MICB: variants seen among roughly 807,000 people sequenced by gnomAD.
MICB encodes MHC class I antigen-related protein B.
In MICB, 27 loss-of-function variants were observed where a neutral mutation model predicts 34.3. That is an observed-to-expected ratio of 0.79 (90% CI 0.58 to 1.08). The LOEUF (loss-of-function observed/expected upper bound fraction) is 1.08. Among genes scored for constraint, MICB ranks in the 50% least tolerant of loss-of-function variants. The probability of loss-of-function intolerance (pLI) is 0.00; values close to 1 mark genes in which losing one functional copy is unlikely to be tolerated. For missense variants in MICB, 426 were observed against 483.1 expected (o/e 0.88, Z 1.11); for synonymous variants, 153 against 187.4 (o/e 0.82, Z 1.50).
intron 1 of MICB, 120 bp from the exon 2 acceptor site, chr6:31,505,497 C>T: frequency 7.1e-7 from 1 of 1,415,502 alleles, no homozygotes; most frequent in Non-Finnish European, 9.6e-7. Flanking sequence ...CGTTCTTGTC[C>T]TTTTGCCCAT....
chr6:31,503,198 T>G (rs769364451), intron 1 of MICB, among the ~76,000 whole-genome samples: 12 of 152,232 alleles, frequency 7.9e-5, no homozygotes, highest in Non-Finnish European at 1.6e-4. Context: ...CTTTTTTTGA[T>G]GTGTCTTTGC....
intron 1 of MICB, among the ~76,000 whole-genome samples, chr6:31,503,949 C>CTGTGTGTGTGTGTG (rs9279324): frequency 0.01 from 998 of 97,422 alleles, 31 homozygotes; most frequent in Non-Finnish European, 3.4e-3. Flanking sequence ...GCCAAACTTG[C>CTGTGTGTGTGTGTG]TGTGTGTGTG....
At chr6:31,495,356 G>A (rs934315089), upstream of MICB, among the ~76,000 whole-genome samples, 3 of 152,142 alleles carry the variant, frequency 2.0e-5, no homozygotes, top group Non-Finnish European at 4.4e-5. Context: ...GTGGAGGGAA[G>A]GGCTTGGGAC....
At chr6:31,498,115 A>G (rs1764768189), upstream of MICB, 1 of 1,263,402 alleles carries the variant, frequency 7.9e-7, no homozygotes. Context: ...GCAGGTGACT[A>G]AATTTCGACG....
At chr6:31,497,346 C>G (rs1362210714), upstream of MICB, among the ~76,000 whole-genome samples, 1 of 151,748 alleles carries the variant, frequency 6.6e-6, no homozygotes, top group Non-Finnish European at 1.5e-5. Context: ...GACTATGGTC[C>G]CAGAGGTACA....
At chr6:31,503,951 G>A (rs1582872568) in intron 1 of MICB, among the ~76,000 whole-genome samples, 1 of 71,422 alleles carries the variant, frequency 1.4e-5, no homozygotes, top group Non-Finnish European at 2.9e-5. Flanking sequence ...CAAACTTGCT[G>A]TGTGTGTGTG....
At position 31,506,314 on chromosome 6, in the gene MICB, C is replaced by G; in HGVS notation, c.497C>G (p.Thr166Arg). 1.2e-6 allele frequency: 2 copies of G among 1,614,208 alleles called. No homozygotes were observed. Among genetic ancestry groups the G allele is most frequent in the Admixed American group, 1.7e-5 (1 of 60,032 alleles). The part of the protein sequence containing the change: ...SRAQTLAMNV[T>R]NFWKEDAMKT... ...GCTCAGACCTTGGCTATGAACGTCA[C>G]AAATTTCTGGAAGGAAGATGCCATG... Residue 166 changes from threonine to arginine, a missense_variant, in exon 3 of 6, where the codon ACA (threonine) becomes AGA (arginine). Physicochemically the swap from Thr to Arg is moderately conservative, Grantham distance 71. Coordinates refer to ENST00000252229, the MANE Select transcript of MICB (RefSeq NM_005931.5).
rs752008165 is a variant in MICB, at chr6:31,506,209, G to A, written c.392G>A (p.Arg131Gln). 41 of 1,613,968 alleles carry A rather than the reference G, an allele frequency of 2.5e-5. No homozygotes were observed. The highest frequency in any genetic ancestry group is 8.9e-5 in the East Asian group (4 of 44,888). The change falls in exon 3 of 6, where the codon CGG (arginine) becomes CAG (glutamine). Residue 131 changes from arginine (R) to glutamine (Q), a missense_variant. By Grantham distance (43) the Arg-to-Gln change is conservative. Transcript: ENST00000252229. ...IHEDSSTRGS[R>Q]HFYYDGELFL... Reference sequence around the variant, plus strand: ...GAAGACAGCAGCACCAGGGGCTCCCGGCATTTCTACTACGATGGGGAGCTC... The same window carrying A: ...GAAGACAGCAGCACCAGGGGCTCCCAGCATTTCTACTACGATGGGGAGCTC...
At position 31,506,225 on chromosome 6, in the gene MICB, T is replaced by C; in HGVS notation, c.408T>C (p.Asp136=). 6.2e-7 allele frequency: 1 copy of C among 1,614,038 alleles called. No individual in the cohort carries two copies. Among genetic ancestry groups the C allele is most frequent in the Non-Finnish European group, 8.5e-7 (1 of 1,179,988 alleles). ...STRGSRHFYY[D]GELFLSQNLE... Reference sequence around the variant, plus strand: ...GGGGCTCCCGGCATTTCTACTACGATGGGGAGCTCTTCCTCTCCCAAAACC... The same window carrying C: ...GGGGCTCCCGGCATTTCTACTACGACGGGGAGCTCTTCCTCTCCCAAAACC... Residue 136 remains aspartate, a synonymous_variant, in exon 3 of 6, where the codon GAT becomes GAC. Coordinates refer to ENST00000252229, the MANE Select transcript of MICB (RefSeq NM_005931.5).
intron 1 of MICB, among the ~76,000 whole-genome samples, chr6:31,501,446 C>T (rs1273889284): frequency 1.3e-5 from 2 of 152,134 alleles, no homozygotes; most frequent in African/African-American, 2.4e-5. Context: ...GATATGATCC[C>T]ATTTATGCAT....
At position 31,509,980 on chromosome 6, in the gene MICB, AC is replaced by A; in HGVS notation, c.*73del. On this transcript the variant is annotated 3_prime_UTR_variant, in exon 6 of 6. Coordinates refer to ENST00000252229, the MANE Select transcript of MICB (RefSeq NM_005931.5). ...ACCAGCACTTTCCCTCTGTTTCCTG[AC>A]CTATGAAACAGAGAAAATAACATCA... The A allele has an allele frequency of 8.6e-6, 12 of 1,394,248 alleles. No homozygotes were observed. The highest frequency in any genetic ancestry group is 1.1e-5 in the Non-Finnish European group (12 of 1,068,364). The allele number at this position is 1,394,248 out of a possible 1,614,324, so 86.4% of individuals were successfully genotyped here. A position where few individuals can be genotyped will look rare whatever the true frequency, so the allele number is the denominator to read the frequency against.
At chr6:31,501,558 A>G (rs560371548) in intron 1 of MICB, among the ~76,000 whole-genome samples, 2 of 152,288 alleles carry the variant, frequency 1.3e-5, no homozygotes, top group Admixed American at 6.5e-5. Context: ...TAGTTTTCAT[A>G]GTTTGAGGTC....
At chr6:31,503,546 C>T (rs1765115298) in intron 1 of MICB, among the ~76,000 whole-genome samples, 1 of 152,082 alleles carries the variant, frequency 6.6e-6, no homozygotes, top group Admixed American at 6.6e-5. Context: ...TAAGTAGAAT[C>T]GTGTAATGTT....
At chr6:31,508,795 A>G (rs1401167890) in intron 5 of MICB, among the ~76,000 whole-genome samples, 1 of 152,218 alleles carries the variant, frequency 6.6e-6, no homozygotes, top group Non-Finnish European at 1.5e-5. Context: ...TTTCAGCTCT[A>G]TAATCTTAAT....
At position 31,507,095 on chromosome 6, in the gene MICB, C is replaced by T. The variant is rs771452508; in HGVS notation, c.687C>T (p.Ser229=). 1 of 1,614,016 alleles carries T rather than the reference C, an allele frequency of 6.2e-7. No homozygotes were observed. Among genetic ancestry groups the T allele is most frequent in the Non-Finnish European group, 8.5e-7 (1 of 1,179,906 alleles). Residue 229 remains serine (S), a synonymous_variant, in exon 4 of 6, where the codon AGC becomes AGT. Transcript: ENST00000252229. This position sits in a 1 kb window ranked among gnomAD's most constrained non-coding sequence, Gnocchi z 6.0. ...TCACCGTGACATGCAGGGCTTCCAG[C>T]TTCTATCCCCGGAATATCACACTGA... ...GNITVTCRAS[S]FYPRNITLTW...
In MICB at chr6:31,504,550, C is replaced by T. The variant is rs146133945; in HGVS notation, c.71-1067C>T. The stretch of plus-strand genomic sequence containing the variant: ...CTGGAACTACAGGCTTGAGCCACCA[C>T]GCCTGGCCTTCTGGAAACTAATCTC... On this transcript the variant is annotated intron_variant, in intron 1 of 5. Transcript: ENST00000252229. 1.7e-3 allele frequency among the ~76,000 whole-genome samples: 237 copies of T among 140,552 alleles called. 4 individuals are homozygous for T. The highest frequency in any genetic ancestry group is 0.015 in the Middle Eastern group (4 of 262). 92.2% of individuals were successfully genotyped at this position (140,552 alleles called of 152,430 possible). A position where few individuals can be genotyped will look rare whatever the true frequency, so the allele number is the denominator to read the frequency against.
intron 1 of MICB, among the ~76,000 whole-genome samples, chr6:31,499,410 T>G (rs78724514): frequency 0.062 from 9,416 of 151,746 alleles, 504 homozygotes; most frequent in South Asian, 0.26. Context: ...TCTGCCTTCA[T>G]CCCCCGCCCC....
Position 31,506,135 on chromosome 6 carries a change from G to T in MICB, c.326-8G>T. On this transcript the variant is annotated splice_region_variant and splice_polypyrimidine_tract_variant and intron_variant, in intron 2 of 5. Transcript: ENST00000252229. ...GGGAATGGAGAAGTCACTGCTGGGT[G>T]GGGGCAGGCTTGCATTCCCTCCAGG... The T allele has an allele frequency of 7.5e-6, 12 of 1,609,540 alleles. No individual in the cohort carries two copies. The highest frequency in any genetic ancestry group is 6.6e-5 in the South Asian group (6 of 90,730).
At chr6:31,505,226 C>A (rs1765235867) in intron 1 of MICB, among the ~76,000 whole-genome samples, 1 of 152,100 alleles carries the variant, frequency 6.6e-6, no homozygotes, top group African/African-American at 2.4e-5. Context: ...CCACACTGGA[C>A]ATGGGTCCCT....
Sources: allele counts gnomAD v4.1 joint callset (sites outside exome capture counted in the v4.1 genomes callset), GRCh38; gene constraint gnomAD v4.1.1; non-coding constraint Gnocchi (gnomAD v3.1); transcripts MANE v1.5; gene names NCBI Gene and HGNC (gene_info 2026-07-23, HGNC 2026-07-21).